Variants in CRADD observed in about 807,000 individuals in gnomAD.
CRADD encodes death domain-containing protein CRADD.
In CRADD, 9 loss-of-function variants were observed where a neutral mutation model predicts 15.5. The observed-to-expected ratio is 0.58, with a 90% CI of 0.35 to 1.01. CRADD has a LOEUF of 1.01. CRADD is among the 50% of genes least tolerant of loss of function. The probability of loss-of-function intolerance (pLI) is 0.02; values close to 1 mark genes in which losing one functional copy is unlikely to be tolerated. For synonymous variants in CRADD, 118 were observed against 107.6 expected (o/e 1.10, Z -0.60); for missense variants, 227 against 250.3 (o/e 0.91, Z 0.63).
At chr12:93,795,817 C>T (rs61929032) in intron 2 of CRADD, among the ~76,000 whole-genome samples, 1 of 152,202 alleles carries the variant, frequency 6.6e-6, no homozygotes, top group African/African-American at 2.4e-5. Flanking sequence ...ATCCTAATTT[C>T]ATGTGACAAT....
At chr12:93,826,637 T>C (rs1367416586) in intron 2 of CRADD, 1 of 152,116 alleles carries the variant, frequency 6.6e-6, no homozygotes, top group Admixed American at 6.6e-5. Flanking sequence ...GGTGTTTGAG[T>C]GATTTTTAAA....
Position 93,847,327 on chromosome 12 carries a change from A to G in CRADD, c.299-2643A>G, listed in dbSNP as rs146600962. Among the ~76,000 whole-genome samples, 1,155 of 151,312 alleles carry G rather than the reference A, an allele frequency of 7.6e-3. 3 individuals are homozygous for G. The highest frequency in any genetic ancestry group is 0.013 in the Non-Finnish European group (886 of 67,790). On this transcript the variant is annotated intron_variant, in intron 2 of 2. Transcript: ENST00000332896. ...AGGGAAATAACATTATTTAAATAAT[A>G]TAATTTAAAATTATGAATATAATTT...
At chr12:93,691,240 ATTTTCTTTTG>A (rs1442801116) in intron 2 of CRADD, among the ~76,000 whole-genome samples, 2 of 141,580 alleles carry the variant, frequency 1.4e-5, no homozygotes, top group Admixed American at 1.4e-4. Context: ...AATATAAAGA[ATTTTCTTTTG>A]TTTTCTTTTT....
At chr12:93,721,441 A>G (rs1436356448) in intron 2 of CRADD, among the ~76,000 whole-genome samples, 1 of 151,672 alleles carries the variant, frequency 6.6e-6, no homozygotes, top group Non-Finnish European at 1.5e-5. Flanking sequence ...ATGTGTATGC[A>G]CATACACAAA....
At chr12:93,746,009 AG>A (rs1458671149) in intron 2 of CRADD, among the ~76,000 whole-genome samples, 2 of 152,246 alleles carry the variant, frequency 1.3e-5, no homozygotes, top group Non-Finnish European at 2.9e-5. Context: ...AGGGAAAATA[AG>A]GCTAGGAGAA....
rs372841583 is a variant in CRADD at position 93,683,599 on chromosome 12, G to A, written c.298+4527G>A. On this transcript the variant is annotated intron_variant, in intron 2 of 2. Transcript: ENST00000332896. ...CTGGCTGCTCTTACAACAGCAGTGC[G>A]CAGGACTGGCTAGTCCATTTCCCCT... Among the ~76,000 whole-genome samples, 38 of 152,250 alleles carry A rather than the reference G, an allele frequency of 2.5e-4. No homozygotes were observed. In the East Asian group the frequency reaches 6.4e-3, roughly 26 times the overall value.
At chr12:93,867,403 A>ATATATATATATATTTTTTT (rs985334638) in intron 2 of CRADD, among the ~76,000 whole-genome samples, 19 of 143,378 alleles carry the variant, frequency 1.3e-4, no homozygotes, top group Non-Finnish European at 2.3e-4. Context: ...ATATATATAT[A>ATATATATATATATTTTTTT]TTTTTTAAAC....
intron 2 of CRADD, among the ~76,000 whole-genome samples, chr12:93,734,868 C>T (rs1043749293): frequency 6.6e-6 from 1 of 152,208 alleles, no homozygotes; most frequent in African/African-American, 2.4e-5. Flanking sequence ...CCACTCAACT[C>T]ACAGATCTCA....
rs148975568 is a variant in CRADD, at chr12:93,867,584, A to G, written c.299-26466A>G. On this transcript the variant is annotated intron_variant, in intron 2 of 2. Transcript: ENST00000548483. ...ACAAAATACTTTTGAACCAATTATT[A>G]CAGGGATATGGTTCAACTGAAATTG... is the stretch of plus-strand genomic sequence containing the variant. Among the ~76,000 whole-genome samples, 488 of 152,110 alleles carry G rather than the reference A, an allele frequency of 3.2e-3. 4 individuals are homozygous for G. Among genetic ancestry groups the G allele is most frequent in the African/African-American group, 0.011 (443 of 41,516 alleles).
At chr12:93,726,340 G>A (rs1956367379) in intron 2 of CRADD, among the ~76,000 whole-genome samples, 1 of 152,040 alleles carries the variant, frequency 6.6e-6, no homozygotes, top group South Asian at 2.1e-4. Flanking sequence ...CTGACCTCAG[G>A]TGATCCACCT....
At chr12:93,838,565 T>TC (rs1491447071) in intron 2 of CRADD, among the ~76,000 whole-genome samples, 2 of 99,804 alleles carry the variant, frequency 2.0e-5, no homozygotes, top group African/African-American at 5.8e-5. Context: ...TTTCTCTCTC[T>TC]TTTTTTTTTT....
At chr12:93,707,269 G>A (rs1195562929) in intron 2 of CRADD, among the ~76,000 whole-genome samples, 1 of 152,148 alleles carries the variant, frequency 6.6e-6, no homozygotes, top group Non-Finnish European at 1.5e-5. Flanking sequence ...TAAATCTACT[G>A]CTACATAATA....
chr12:93,719,933 T>A (rs1162614312), intron 2 of CRADD, among the ~76,000 whole-genome samples: 3 of 152,158 alleles, frequency 2.0e-5, no homozygotes, highest in Non-Finnish European at 4.4e-5. Context: ...TCTCTTTCGT[T>A]AATTTCTGCT....
At chr12:93,788,285 T>C (rs1446621888) in intron 2 of CRADD, among the ~76,000 whole-genome samples, 1 of 152,164 alleles carries the variant, frequency 6.6e-6, no homozygotes, top group East Asian at 1.9e-4. Context: ...AAACCTCTTA[T>C]AAAACCATCA....
Position 93,850,272 on chromosome 12 carries a change from T to G in CRADD, c.*1T>G. On this transcript the variant is annotated 3_prime_UTR_variant, in exon 3 of 3. Transcript: ENST00000332896. This position sits in a 1 kb window ranked among gnomAD's most constrained non-coding sequence, Gnocchi z 4.0. ...GCTGCTCCTGCACATGTTGGAGTGA[T>G]GGTGCCTCCAGCAACCGCTGGGGAG... 1.3e-6 allele frequency: 2 copies of G among 1,586,618 alleles called. No homozygotes were observed. Among genetic ancestry groups the G allele is most frequent in the Non-Finnish European group, 1.7e-6 (2 of 1,166,100 alleles).
intron 2 of CRADD, among the ~76,000 whole-genome samples, chr12:93,732,595 C>T (rs1174286318): frequency 1.3e-5 from 2 of 152,170 alleles, no homozygotes; most frequent in Non-Finnish European, 2.9e-5. Context: ...ACAAGTTATA[C>T]TGATGATATT....
intron 2 of CRADD, among the ~76,000 whole-genome samples, chr12:93,771,508 C>T (rs972838974): frequency 3.9e-5 from 6 of 152,110 alleles, no homozygotes. Context: ...CCCCTTGTCA[C>T]GTGTATTTAC....
At chr12:93,833,594 C>G (rs34855840) in intron 2 of CRADD, among the ~76,000 whole-genome samples, 55 of 152,166 alleles carry the variant, frequency 3.6e-4, no homozygotes, top group Non-Finnish European at 7.3e-4. Context: ...GACCCTCCCC[C>G]CTTGGCCTTC....
intron 2 of CRADD, among the ~76,000 whole-genome samples, chr12:93,685,899 A>G (rs1316561101): frequency 6.6e-6 from 1 of 152,116 alleles, no homozygotes; most frequent in Non-Finnish European, 1.5e-5. Context: ...AGGCTGAGGC[A>G]GGAGAATCGC....
Sources: allele counts gnomAD v4.1 joint callset (sites outside exome capture counted in the v4.1 genomes callset), GRCh38; gene constraint gnomAD v4.1.1; non-coding constraint Gnocchi (gnomAD v3.1); transcripts MANE v1.5; gene names NCBI Gene and HGNC (gene_info 2026-07-23, HGNC 2026-07-21).